SLC4A9: variants seen among roughly 807,000 people sequenced by gnomAD.
SLC4A9 encodes solute carrier family 4 member 9.
Under a neutral mutation model 103.2 loss-of-function variants are expected in SLC4A9, and 102 were observed. That is an observed-to-expected ratio of 0.99 (90% CI 0.84 to 1.17). SLC4A9 has a LOEUF of 1.17. Ranked by LOEUF, SLC4A9 falls within the 50% of genes most tolerant of loss-of-function variation. The pLI, the probability that SLC4A9 is intolerant of heterozygous loss-of-function variation, is 0.00. For missense variants in SLC4A9, 1,091 were observed against 1,193.7 expected (o/e 0.91, Z 1.27); for synonymous variants, 453 against 483.6 (o/e 0.94, Z 0.83).
intron 1 of SLC4A9, 127 bp from the exon 2 acceptor site, chr5:140,360,685 G>A: frequency 6.9e-7 from 1 of 1,457,672 alleles, no homozygotes. Context: ...CCAGGGTGGG[G>A]GGGAGACTTC....
At chr5:140,370,866 C>T in intron 17 of SLC4A9, 1 of 538,172 alleles carries the variant, frequency 1.9e-6, no homozygotes, top group Non-Finnish European at 3.3e-6. Context: ...TACTTAGTCC[C>T]TCTGAAATTC....
intron 11 of SLC4A9, among the ~76,000 whole-genome samples, chr5:140,365,214 GA>G (rs560347358): frequency 2.8e-4 from 42 of 152,236 alleles, no homozygotes; most frequent in Non-Finnish European, 5.9e-4. Context: ...GCATGAACAA[GA>G]CCAGTTCTAG....
In SLC4A9 at chr5:140,364,395, T is replaced by C. The variant is rs762853092; in HGVS notation, c.1421T>C (p.Leu474Pro). 5 of 1,613,338 alleles carry C rather than the reference T, an allele frequency of 3.1e-6. No individual in the cohort carries two copies. Among genetic ancestry groups the C allele is most frequent in the African/African-American group, 2.7e-5 (2 of 74,912 alleles). Residue 474 changes from leucine (L) to proline (P), a missense_variant, in exon 11 of 22, where the codon CTA (leucine) becomes CCA (proline). Leu to Pro is a moderately conservative substitution (Grantham distance 98). Transcript: ENST00000506757. Reference protein sequence around the residue: ...DYSLDYLPFRLWVGIWVATFC... With the variant: ...DYSLDYLPFRPWVGIWVATFC... The stretch of plus-strand genomic sequence containing the variant: ...AGCCTGGACTACCTGCCCTTCCGCC[T>C]ATGGGTGGGCATCTGGGTGGCTACC...
chr5:140,364,072 C>A lies in SLC4A9; in HGVS notation c.1273C>A (p.Leu425Met). The change falls in exon 10 of 22, where the codon CTG (leucine) becomes ATG (methionine). Residue 425 changes from leucine (L) to methionine (M), a missense_variant. Coordinates refer to ENST00000506757, the MANE Select transcript of SLC4A9 (RefSeq NM_031467.3). ...DGAQGVLESF[L>M]GTAVAGAAFC... ...CTTCCAGGGAGTGCTGGAAAGTTTCCTGGGCACAGCAGTGGCTGGAGCTGC... is the reference window on the plus strand; with the variant it reads ...CTTCCAGGGAGTGCTGGAAAGTTTCATGGGCACAGCAGTGGCTGGAGCTGC... The A allele has an allele frequency of 6.4e-7, 1 of 1,554,836 alleles. No homozygotes were observed. The highest frequency in any genetic ancestry group is 1.2e-5 in the South Asian group (1 of 81,604).
At position 140,360,240 on chromosome 5, in the gene SLC4A9, G is replaced by A; in HGVS notation, c.4G>A (p.Glu2Lys). 6.2e-7 allele frequency: 1 copy of A among 1,610,182 alleles called. No individual in the cohort carries two copies. Among genetic ancestry groups the A allele is most frequent in the Non-Finnish European group, 8.5e-7 (1 of 1,178,070 alleles). Reference protein sequence around the residue: MEMKLPGQEGFE... With the variant: MKMKLPGQEGFE... The stretch of plus-strand genomic sequence containing the variant: ...TCTGAGATTCTGTGCAAGCCTCATG[G>A]AAATGAAGCTGCCAGGCCAGGAAGG... Residue 2 changes from glutamate (E) to lysine (K), a missense_variant, in exon 1 of 22, where the codon GAA (glutamate) becomes AAA (lysine). By Grantham distance (56) the Glu-to-Lys change is moderately conservative (BLOSUM62 1). Transcript: ENST00000506757.
rs1231694683 is a variant in SLC4A9 at position 140,363,073 on chromosome 5, G to A, written c.962+7G>A. 5.6e-6 allele frequency: 9 copies of A among 1,612,612 alleles called. No homozygotes were observed. Among genetic ancestry groups the A allele is most frequent in the Non-Finnish European group, 7.6e-6 (9 of 1,179,574 alleles). ...TGCCATCTCAGCACAAAAGGTACCT[G>A]GGAGCCATCATCCCATACAGATTCC... On this transcript the variant is annotated splice_region_variant and intron_variant, in intron 7 of 21. Transcript: ENST00000506757. The surrounding 1 kb of genome is among the most constrained non-coding windows in gnomAD (Gnocchi z 4.5).
chr5:140,372,495 G>A lies in SLC4A9; in HGVS notation c.2826+98G>A, dbSNP rs1419432619. 67 of 1,538,098 alleles carry A rather than the reference G, an allele frequency of 4.4e-5. No individual in the cohort carries two copies. In the Middle Eastern group the frequency reaches 5.4e-4, roughly 12 times the overall value. Reference sequence around the variant, plus strand: ...CCTAAATAATATCTCCAGTAAGCCCGCAGATCTGATCAACAGTCACTTCCC... The same window carrying A: ...CCTAAATAATATCTCCAGTAAGCCCACAGATCTGATCAACAGTCACTTCCC... On this transcript the variant is annotated intron_variant, in intron 20 of 21. Transcript: ENST00000506757.
Position 140,360,309 on chromosome 5 carries a change from C to T in SLC4A9, c.73C>T (p.Leu25=), listed in dbSNP as rs535389924. ...SAPRNIPSGE[L]DSNPDPGTGP... ...TCCTAGAAATATTCCTTCAGGGGAG[C>T]TGGACAGCAACCCTGACCCTGGCAC... is the stretch of plus-strand genomic sequence containing the variant. The change falls in exon 1 of 22, where the codon CTG becomes TTG. Residue 25 remains leucine, a synonymous_variant. Transcript: ENST00000506757. 1.9e-5 allele frequency: 30 copies of T among 1,612,336 alleles called. No homozygotes were observed. The highest frequency in any genetic ancestry group is 2.5e-5 in the Non-Finnish European group (29 of 1,179,212).
At position 140,361,300 on chromosome 5, in the gene SLC4A9, G is replaced by C. The variant is rs1767043390; in HGVS notation, c.438G>C (p.Gln146His). ...VESLSPELRG[Q>H]LQALLLQRPQ... The stretch of plus-strand genomic sequence containing the variant: ...CGCTGAGCCCAGAGCTGAGAGGGCA[G>C]TTGCAGGCCTTGCTGCTGCAGAGAC... Residue 146 changes from glutamine (Q) to histidine (H), a missense_variant, in exon 3 of 22, where the codon CAG becomes CAC. Physicochemically the swap from Gln to His is conservative, Grantham distance 24. Transcript: ENST00000506757. 6.4e-7 allele frequency: 1 copy of C among 1,572,396 alleles called. No homozygotes were observed. The highest frequency in any genetic ancestry group is 8.6e-7 in the Non-Finnish European group (1 of 1,158,706).
At chr5:140,368,931 G>T (rs1768298663) in intron 17 of SLC4A9, among the ~76,000 whole-genome samples, 1 of 152,156 alleles carries the variant, frequency 6.6e-6, no homozygotes. Context: ...TTATCCAATG[G>T]GCTTTTTACC....
At chr5:140,369,652 C>G (rs971020959) in intron 17 of SLC4A9, among the ~76,000 whole-genome samples, 1 of 150,874 alleles carries the variant, frequency 6.6e-6, no homozygotes, top group Non-Finnish European at 1.5e-5. Flanking sequence ...CCAGATGGAC[C>G]GGATCAGCCA....
rs200043532 is a variant in SLC4A9, at chr5:140,365,865, C to T, written c.1742C>T (p.Pro581Leu). 1.9e-5 allele frequency: 31 copies of T among 1,613,886 alleles called. 1 individual carries two copies. In the East Asian group the frequency reaches 2.5e-4, roughly 13 times the overall value. The part of the protein sequence containing the change: ...DLGLINASLL[P>L]PPECTRQGGH... ...GGCCTGATCAATGCATCCTTGCTGC[C>T]GCCACCTGAGTGCACCCGGCAGGGA... is the stretch of plus-strand genomic sequence containing the variant. Residue 581 changes from proline to leucine, a missense_variant, in exon 13 of 22, where the codon CCG becomes CTG. Transcript: ENST00000506757.
At chr5:140,368,289 A>G (rs1171548293) in intron 16 of SLC4A9, among the ~76,000 whole-genome samples, 2 of 152,252 alleles carry the variant, frequency 1.3e-5, no homozygotes, top group African/African-American at 4.8e-5. Context: ...AAATTGTGAA[A>G]TGTAAGTCTT....
At position 140,363,436 on chromosome 5, in the gene SLC4A9, C is replaced by T. The variant is rs200266613; in HGVS notation, c.963-3C>T. ...GCCAACCTGGGGTTCCCCTCCTCCT[C>T]AGGCTTCCCTCGCAACAGCGGGAGA... On this transcript the variant is annotated splice_polypyrimidine_tract_variant and splice_region_variant and intron_variant, in intron 7 of 21. Coordinates refer to ENST00000506757, the MANE Select transcript of SLC4A9 (RefSeq NM_031467.3). This position sits in a 1 kb window ranked among gnomAD's most constrained non-coding sequence, Gnocchi z 4.5. 5.5e-4 allele frequency: 853 copies of T among 1,551,160 alleles called. 3 individuals are homozygous for T. In the African/African-American group the frequency reaches 9.1e-3, roughly 16 times the overall value.
rs1244749086 is a variant in SLC4A9 at position 140,365,401 on chromosome 5, A to G, written c.1652-119A>G. ...CACTTGGTAGTGATAGAGTCAGCAG[A>G]CAGATGAGTCACAATTAAGAACTCT... is the stretch of plus-strand genomic sequence containing the variant. On this transcript the variant is annotated intron_variant, in intron 11 of 21. Transcript: ENST00000506757. 4 of 784,830 alleles carry G rather than the reference A, an allele frequency of 5.1e-6. No homozygotes were observed. The Admixed American group carries it at 7.2e-5, about 14-fold the overall frequency. 48.6% of individuals were successfully genotyped at this position (784,830 alleles called of 1,614,324 possible). A position where few individuals can be genotyped will look rare whatever the true frequency, so the allele number is the denominator to read the frequency against.
chr5:140,372,629 C>T (rs1768886908), intron 20 of SLC4A9, 116 bp from the exon 21 acceptor site: 1 of 1,443,108 alleles, frequency 6.9e-7, no homozygotes, highest in South Asian at 1.5e-5. Context: ...CTCAAGTGGG[C>T]TGTCTTTCTC....
In SLC4A9 at chr5:140,374,900, G is replaced by C. The variant is rs1357955514; in HGVS notation, c.*119G>C. ...AGTTACCTCCTGACCTGAGGGTGGAGAGTGGCAGGAAGCAAGCATGTTTGC... is the reference window on the plus strand; with the variant it reads ...AGTTACCTCCTGACCTGAGGGTGGACAGTGGCAGGAAGCAAGCATGTTTGC... On this transcript the variant is annotated 3_prime_UTR_variant, in exon 22 of 22. Transcript: ENST00000506757. The C allele has an allele frequency of 6.6e-6, 1 of 152,200 alleles. No individual in the cohort carries two copies. The highest frequency in any genetic ancestry group is 2.4e-5 in the African/African-American group (1 of 41,428). 9.4% of individuals were successfully genotyped at this position (152,200 alleles called of 1,614,324 possible).
intron 17 of SLC4A9, 191 bp from the exon 18 acceptor site, chr5:140,370,904 A>G (rs1433876993): frequency 5.3e-6 from 3 of 566,512 alleles, no homozygotes; most frequent in Non-Finnish European, 9.5e-6. Context: ...AATGAAGGCA[A>G]TAATAACATT....
At chr5:140,362,698 C>T (rs989910251) in intron 6 of SLC4A9, among the ~76,000 whole-genome samples, 166 bp downstream of exon 6, 7 of 152,190 alleles carry the variant, frequency 4.6e-5, no homozygotes, top group African/African-American at 1.7e-4. Context: ...GAAGTTTCCT[C>T]GTCTCCTAGT....
Sources: gnomAD v4.1 joint callset for allele counts (sites outside exome capture counted in the v4.1 genomes callset) on GRCh38, gnomAD v4.1.1 for gene constraint, Gnocchi (gnomAD v3.1) non-coding constraint, MANE v1.5 for transcripts, NCBI Gene and HGNC (gene_info 2026-07-23, HGNC 2026-07-21) for gene names.